Variants in TTC39B observed in about 807,000 individuals in gnomAD.
TTC39B encodes the protein tetratricopeptide repeat domain 39B.
Under a neutral mutation model 96.6 loss-of-function variants are expected in TTC39B, and 92 were observed. The ratio of observed to expected loss-of-function variants is 0.95; its 90% CI spans 0.80 to 1.13. The LOEUF is 1.13. Among genes scored for constraint, TTC39B ranks in the 50% most tolerant of loss-of-function variants. The pLI, the probability that TTC39B is intolerant of heterozygous loss-of-function variation, is 0.00. For synonymous variants in TTC39B, 367 were observed against 299.4 expected (o/e 1.23, Z -2.33); for missense variants, 955 against 809.3 (o/e 1.18, Z -2.18).
At chr9:15,261,828 A>G (rs1269878749) in intron 2 of TTC39B, among the ~76,000 whole-genome samples, 1 of 152,194 alleles carries the variant, frequency 6.6e-6, no homozygotes, top group Non-Finnish European at 1.5e-5. Context: ...TTATCAACAG[A>G]TTTATTATAC....
chr9:15,294,216 A>G (rs983295840), intron 1 of TTC39B, among the ~76,000 whole-genome samples: 3 of 2,190 alleles, frequency 1.4e-3, no homozygotes, highest in African/African-American at 1.9e-3. Flanking sequence ...AGCAGCTGGA[A>G]AAAAAAAAAG....
chr9:15,191,217 T>C (rs1378204320), exon 10 of TTC39B: 2 of 1,610,114 alleles, frequency 1.2e-6, no homozygotes, highest in South Asian at 1.1e-5. Context: ...CAATAAATTC[T>C]AGTAGTCTGA....
At position 15,302,450 on chromosome 9, in the gene TTC39B, A is replaced by G. The variant is rs528134829; in HGVS notation, c.240+4634T>C. On this transcript the variant is annotated intron_variant, in intron 1 of 19. Transcript: ENST00000512701. Reference sequence around the variant, plus strand: ...GCCAATATGGTGAAACCTCGTCTCTACTAAAAATACAAAAAAATTAGCCGG... The same window carrying G: ...GCCAATATGGTGAAACCTCGTCTCTGCTAAAAATACAAAAAAATTAGCCGG... 2.7e-5 allele frequency among the ~76,000 whole-genome samples: 4 copies of G among 148,498 alleles called. No homozygotes were observed. The South Asian group carries it at 8.6e-4, about 32-fold the overall frequency.
intron 1 of TTC39B, among the ~76,000 whole-genome samples, chr9:15,279,151 T>C (rs1376095779): frequency 6.6e-6 from 1 of 152,244 alleles, no homozygotes; most frequent in East Asian, 1.9e-4. Flanking sequence ...ATCTCTACTG[T>C]TATTAAAGTG....
chr9:15,239,185 C>T (rs1457262245), intron 2 of TTC39B, among the ~76,000 whole-genome samples: 2 of 151,966 alleles, frequency 1.3e-5, no homozygotes, highest in African/African-American at 4.8e-5. Context: ...CACTAATCAT[C>T]AGAGAAACAC....
intron 1 of TTC39B, among the ~76,000 whole-genome samples, chr9:15,293,768 C>T (rs890031128): frequency 1.3e-5 from 2 of 152,204 alleles, no homozygotes; most frequent in Non-Finnish European, 2.9e-5. Context: ...CTCTGTACAT[C>T]GTGAGCTACA....
chr9:15,170,100 C>T lies in TTC39B; in HGVS notation c.*1919G>A, dbSNP rs192523948. The T allele has an allele frequency of 2.4e-4, 24 of 101,102 alleles. No individual in the cohort carries two copies. The East Asian group carries it at 3.1e-3, about 13-fold the overall frequency. 6.3% of individuals were successfully genotyped at this position (101,102 alleles called of 1,614,324 possible). Reference sequence around the variant, plus strand: ...ATAATTTTTAATGTATTTTCCACTACTAATTATAATGACAGTTAATTTTAT... The same window carrying T: ...ATAATTTTTAATGTATTTTCCACTATTAATTATAATGACAGTTAATTTTAT... On this transcript the variant is annotated 3_prime_UTR_variant, in exon 20 of 20. Coordinates refer to ENST00000512701, the Ensembl canonical transcript of TTC39B.
exon 20 of TTC39B, chr9:15,170,202 T>G: frequency 1.3e-4 from 1 of 7,922 alleles, no homozygotes; most frequent in Non-Finnish European, 2.0e-4. Flanking sequence ...CTATCTTTCA[T>G]TGGATATACA....
At chr9:15,232,368 G>C (rs1363469844) in intron 2 of TTC39B, 1 of 152,524 alleles carries the variant, frequency 6.6e-6, no homozygotes, top group Non-Finnish European at 1.5e-5. Flanking sequence ...ACGGGAGGTG[G>C]GGGGGACGCC....
chr9:15,282,291 T>C (rs1293383797), intron 1 of TTC39B, among the ~76,000 whole-genome samples: 1 of 152,176 alleles, frequency 6.6e-6, no homozygotes, highest in South Asian at 2.1e-4. Context: ...ATTCTAAACA[T>C]GTTAAAAGAC....
chr9:15,213,939 T>C (rs551018974), intron 4 of TTC39B, among the ~76,000 whole-genome samples, 200 bp downstream of exon 4: 54 of 152,196 alleles, frequency 3.5e-4, no homozygotes, highest in Middle Eastern at 3.4e-3. Context: ...TGCAAAACAA[T>C]CAGAAATTTT....
intron 15 of TTC39B, 91 bp downstream of exon 15, chr9:15,186,853 G>A: frequency 1.7e-6 from 2 of 1,157,876 alleles, no homozygotes; most frequent in South Asian, 1.3e-5. Context: ...ATGCCACCAG[G>A]CCCAGCTAAT....
intron 13 of TTC39B, among the ~76,000 whole-genome samples, chr9:15,188,428 C>A (rs1450859862): frequency 6.6e-6 from 1 of 152,146 alleles, no homozygotes; most frequent in East Asian, 1.9e-4. Flanking sequence ...AAAGTTAGAA[C>A]TTCCATAGGA....
At chr9:15,199,425 T>C (rs1357565993) in intron 8 of TTC39B, among the ~76,000 whole-genome samples, 1 of 152,112 alleles carries the variant, frequency 6.6e-6, no homozygotes, top group Non-Finnish European at 1.5e-5. Flanking sequence ...AGTTCATTTT[T>C]ACCAACACCA....
At chr9:15,204,813 A>G (rs1378666260) in intron 6 of TTC39B, among the ~76,000 whole-genome samples, 1 of 152,150 alleles carries the variant, frequency 6.6e-6, no homozygotes, top group Non-Finnish European at 1.5e-5. Context: ...TAGCACAAGA[A>G]CAAGGTACTC....
intron 3 of TTC39B, among the ~76,000 whole-genome samples, 197 bp from the exon 4 acceptor site, chr9:15,214,446 G>A (rs1236833728): frequency 6.6e-6 from 1 of 151,868 alleles, no homozygotes; most frequent in South Asian, 2.1e-4. Flanking sequence ...GGAAAACCAT[G>A]CACTGTTGAG....
In TTC39B at chr9:15,292,940, T is replaced by C. The variant is rs540040293; in HGVS notation, c.240+14144A>G. ...GAAAAAACATAAATGTGGTGCAGCT[T>C]AAGTGTACAGTGTTCATAAAGTCTA... On this transcript the variant is annotated intron_variant, in intron 1 of 19. Coordinates refer to ENST00000512701, the Ensembl canonical transcript of TTC39B. 3.3e-5 allele frequency among the ~76,000 whole-genome samples: 5 copies of C among 152,316 alleles called. No homozygotes were observed. In the South Asian group the frequency reaches 1.0e-3, roughly 32 times the overall value.
intron 2 of TTC39B, among the ~76,000 whole-genome samples, chr9:15,233,993 C>A (rs1452834977): frequency 2.0e-5 from 3 of 149,324 alleles, no homozygotes; most frequent in Admixed American, 6.6e-5. Context: ...ATGTGGGGAG[C>A]GCCTCTGCCC....
At chr9:15,170,189 T>TCCGAAGGGGTGGTA (rs764651368) in exon 20 of TTC39B, 2 of 151,146 alleles carry the variant, frequency 1.3e-5, no homozygotes, top group Admixed American at 6.6e-5. Context: ...CCGCCATTGA[T>TCCGAAGGGGTGGTA]ATCTATCTTT....
Sources: gnomAD v4.1 joint callset for allele counts (sites outside exome capture counted in the v4.1 genomes callset) on GRCh38, gnomAD v4.1.1 for gene constraint, MANE v1.5 for transcripts, NCBI Gene and HGNC (gene_info 2026-07-23, HGNC 2026-07-21) for gene names.